Variants in ZNF215 observed in about 807,000 individuals in gnomAD.
ZNF215 encodes BWSCR2-associated zinc finger protein 2.
In ZNF215, 24 loss-of-function variants were observed where a neutral mutation model predicts 27.2. The observed-to-expected ratio is 0.88, with a 90% CI of 0.64 to 1.24. The LOEUF is 1.24. ZNF215 is among the 50% of genes most tolerant of loss of function. The pLI, the probability that ZNF215 is intolerant of heterozygous loss-of-function variation, is 0.00. For synonymous variants in ZNF215, 210 were observed against 204.0 expected, an observed-to-expected ratio of 1.03 and a Z score of -0.25; for missense variants, 675 against 605.7, an observed-to-expected ratio of 1.11 and a Z score of -1.20.
chr11:6,984,872 A>G (rs1851029360), downstream of ZNF215, among the ~76,000 whole-genome samples: 1 of 152,176 alleles, frequency 6.6e-6, no homozygotes, highest in Non-Finnish European at 1.5e-5. Context: ...AAGAGAACAG[A>G]CCAGTAATAG....
chr11:6,987,587 G>C (rs1306949995), downstream of ZNF215, among the ~76,000 whole-genome samples: 1 of 152,188 alleles, frequency 6.6e-6, no homozygotes, highest in Admixed American at 6.5e-5. Context: ...CATCTGGTAT[G>C]TATATCTATC....
rs1242173053 is a variant in ZNF215 at position 6,955,895 on chromosome 11, TAAGAA to T, written c.922_926del (p.Lys308LeufsTer2). 6.2e-7 allele frequency: 1 copy of T among 1,610,430 alleles called. No homozygotes were observed. Among genetic ancestry groups the T allele is most frequent in the East Asian group, 2.2e-5 (1 of 44,846 alleles). On this transcript the variant is annotated frameshift_variant, in exon 7 of 7. Coordinates refer to ENST00000278319, the MANE Select transcript of ZNF215 (RefSeq NM_013250.4). LOFTEE classifies it low-confidence loss of function (END_TRUNC). The stretch of plus-strand genomic sequence containing the variant: ...AGGAAGATTTTGAATGTAGTGAAAA[TAAGAA>T]AAGCTTTGATATTAATTCAGTTAGC...
chr11:6,982,388 A>G (rs1850973018), intron 5 of ZNF215, among the ~76,000 whole-genome samples: 1 of 152,200 alleles, frequency 6.6e-6, no homozygotes, highest in African/African-American at 2.4e-5. Flanking sequence ...AATTGAACTC[A>G]GCTCTGCACC....
At position 6,957,771 on chromosome 11, in the gene ZNF215, A is replaced by G. The variant is rs963612872; in HGVS notation, c.*1240A>G. 2.0e-6 allele frequency: 2 copies of G among 985,412 alleles called. No homozygotes were observed. Among genetic ancestry groups the G allele is most frequent in the Non-Finnish European group, 2.4e-6 (2 of 829,922 alleles). 61.0% of individuals were successfully genotyped at this position (985,412 alleles called of 1,614,324 possible). ...ACCTTTGGGAATTTAGGCTGGAGAG[A>G]CGTCCATAGCCTTAGGTATATCATT... On this transcript the variant is annotated 3_prime_UTR_variant, in exon 7 of 7. Coordinates refer to ENST00000278319, the MANE Select transcript of ZNF215 (RefSeq NM_013250.4).
downstream of ZNF215, among the ~76,000 whole-genome samples, chr11:6,985,725 A>C (rs1003638607): frequency 6.6e-6 from 1 of 152,204 alleles, no homozygotes; most frequent in Non-Finnish European, 1.5e-5. Context: ...AATCAGTAGC[A>C]TTTCTATATA....
chr11:6,954,457 C>A (rs527702326), intron 6 of ZNF215, among the ~76,000 whole-genome samples: 3 of 152,230 alleles, frequency 2.0e-5, no homozygotes, highest in Admixed American at 6.5e-5. Context: ...GCCCCTCCCC[C>A]AGCCTCGCTG....
chr11:6,963,074 C>G (rs891047694), intron 5 of ZNF215, among the ~76,000 whole-genome samples: 2 of 151,996 alleles, frequency 1.3e-5, no homozygotes, highest in African/African-American at 4.8e-5. Flanking sequence ...TATTTCTAGT[C>G]TACTCATCCA....
Position 6,932,084 on chromosome 11 carries a change from C to A in ZNF215, c.-179-10C>A, listed in dbSNP as rs963827975. On this transcript the variant is annotated splice_polypyrimidine_tract_variant and intron_variant, in intron 2 of 6. Transcript: ENST00000278319. Reference sequence around the variant, plus strand: ...TTGTTCCCTGTGGGTTAATTTCTATCTTTTTTCAGTTGCTCAGGTACCTGA... The same window carrying A: ...TTGTTCCCTGTGGGTTAATTTCTATATTTTTTCAGTTGCTCAGGTACCTGA... 1.7e-6 allele frequency: 1 copy of A among 581,772 alleles called. No individual in the cohort carries two copies. The highest frequency in any genetic ancestry group is 2.9e-6 in the Non-Finnish European group (1 of 350,104). The allele number at this position is 581,772 out of a possible 1,614,324, so 36.0% of individuals were successfully genotyped here. A position where few individuals can be genotyped will look rare whatever the true frequency, so the allele number is the denominator to read the frequency against.
At chr11:6,969,963 G>A (rs186540489) in intron 5 of ZNF215, among the ~76,000 whole-genome samples, 1,527 of 152,148 alleles carry the variant, frequency 0.01, 30 homozygotes, top group African/African-American at 0.035. Flanking sequence ...TGTATTTTTA[G>A]TAGAGATGGG....
chr11:6,990,969 G>A (rs1366592271), downstream of ZNF215, among the ~76,000 whole-genome samples: 4 of 152,228 alleles, frequency 2.6e-5, no homozygotes, highest in African/African-American at 9.6e-5. Context: ...ACCAGTGACT[G>A]GAGAAGGCAT....
intron 3 of ZNF215, 84 bp from the exon 4 acceptor site, chr11:6,941,487 A>G: frequency 8.5e-7 from 1 of 1,179,648 alleles, no homozygotes; most frequent in South Asian, 1.5e-5. Context: ...ATTCCTGTGA[A>G]TATCATATTA....
chr11:6,994,376 C>T (rs936916515), intron 6 of ZNF215, among the ~76,000 whole-genome samples: 8 of 152,016 alleles, frequency 5.3e-5, no homozygotes, highest in African/African-American at 1.9e-4. Flanking sequence ...GGACCTTTCT[C>T]AAAGCAGTTG....
chr11:6,943,742 A>G, intron 6 of ZNF215, 101 bp downstream of exon 6: 1 of 934,350 alleles, frequency 1.1e-6, no homozygotes, highest in South Asian at 1.6e-5. Context: ...TGGGAAGGAG[A>G]TAGCAAAACC....
intron 3 of ZNF215, among the ~76,000 whole-genome samples, chr11:6,936,046 C>T (rs1457549123): frequency 6.6e-6 from 1 of 152,008 alleles, no homozygotes; most frequent in African/African-American, 2.4e-5. Context: ...GAAGGCATGG[C>T]TCAAATTGTA....
chr11:6,949,511 A>G (rs1356746147), intron 6 of ZNF215, among the ~76,000 whole-genome samples: 3 of 151,902 alleles, frequency 2.0e-5, no homozygotes, highest in Admixed American at 6.6e-5. Context: ...GATGGTGAGC[A>G]TTTTTTCATG....
rs372968639 is a variant in ZNF215, at chr11:6,943,064, A to G, written c.484-19A>G. On this transcript the variant is annotated intron_variant, in intron 4 of 6. Transcript: ENST00000278319. ...TTGGGGAGTGACACCTTTGATTAAA[A>G]AGGAACTTAATGTTTTAGGAACCAG... is the stretch of plus-strand genomic sequence containing the variant. 4 of 1,606,804 alleles carry G rather than the reference A, an allele frequency of 2.5e-6. No individual in the cohort carries two copies. Among genetic ancestry groups the G allele is most frequent in the African/African-American group, 2.7e-5 (2 of 74,498 alleles).
rs150309426 is a variant in ZNF215 at position 6,943,508 on chromosome 11, TTTG to T, written c.617-26_617-24del. The T allele has an allele frequency of 7.4e-4, 1,135 of 1,537,822 alleles. 14 individuals are homozygous for T. The African/African-American group carries it at 0.013, about 17-fold the overall frequency. ...AAAAATGTCTGAAGTGTCATATATG[TTTG>T]TTGTTGTTGTTCTTTTTATTTTCTC... On this transcript the variant is annotated intron_variant, in intron 5 of 6. Transcript: ENST00000278319.
At chr11:6,994,067 A>G (rs900534994) in intron 6 of ZNF215, among the ~76,000 whole-genome samples, 2 of 152,154 alleles carry the variant, frequency 1.3e-5, no homozygotes, top group African/African-American at 4.8e-5. Flanking sequence ...TAAGTACAAG[A>G]GGGCTGTGAT....
chr11:6,970,722 A>G (rs948356637), intron 5 of ZNF215, among the ~76,000 whole-genome samples: 9 of 152,212 alleles, frequency 5.9e-5, no homozygotes, highest in Non-Finnish European at 8.8e-5. Context: ...GAAAAGTTTT[A>G]AAAATAACTT....
Sources: gnomAD v4.1 joint callset for allele counts (sites outside exome capture counted in the v4.1 genomes callset) on GRCh38, gnomAD v4.1.1 for gene constraint, MANE v1.5 for transcripts, NCBI Gene and HGNC (gene_info 2026-07-23, HGNC 2026-07-21) for gene names.